CDK15: variants seen among roughly 807,000 people sequenced by gnomAD.
CDK15 encodes the protein cyclin dependent kinase 15, also known as cyclin-dependent kinase 15.
In CDK15, 62 loss-of-function variants were observed where a neutral mutation model predicts 60.3. The ratio of observed to expected loss-of-function variants is 1.03; its 90% CI spans 0.84 to 1.27. The LOEUF (loss-of-function observed/expected upper bound fraction) is 1.27. CDK15 is among the 50% of genes most tolerant of loss of function. CDK15 has a pLI of 0.00. For synonymous variants in CDK15, 194 were observed against 195.7 expected, an observed-to-expected ratio of 0.99 and a Z score of 0.07; for missense variants, 541 against 527.8, an observed-to-expected ratio of 1.03 and a Z score of -0.25.
intron 10 of CDK15, among the ~76,000 whole-genome samples, chr2:201,868,885 G>A (rs550951074): frequency 5.9e-5 from 9 of 152,318 alleles, no homozygotes; most frequent in African/African-American, 1.9e-4. Flanking sequence ...AACAACAAAT[G>A]CTGGAGAGGA....
At chr2:201,817,216 A>G (rs1328174090) in intron 4 of CDK15, among the ~76,000 whole-genome samples, 1 of 152,224 alleles carries the variant, frequency 6.6e-6, no homozygotes, top group Non-Finnish European at 1.5e-5. Context: ...TGTTTTCCAC[A>G]GTGGCTGAAC....
intron 11 of CDK15, among the ~76,000 whole-genome samples, chr2:201,872,671 G>T (rs147227450): frequency 2.6e-5 from 4 of 151,492 alleles, no homozygotes; most frequent in African/African-American, 4.9e-5. Flanking sequence ...GCTATTGGAG[G>T]GGGGGCAACT....
At position 201,816,313 on chromosome 2, in the gene CDK15, T is replaced by C. The variant is rs117693884; in HGVS notation, c.448+3751T>C. 2.3e-4 allele frequency among the ~76,000 whole-genome samples: 35 copies of C among 152,256 alleles called. No individual in the cohort carries two copies. The East Asian group carries it at 6.2e-3, about 27-fold the overall frequency. Reference sequence around the variant, plus strand: ...CCTGGTGTAGTGTCTATTATTCCCATCTTATGTCTGTGTGTTCCCAATACC... The same window carrying C: ...CCTGGTGTAGTGTCTATTATTCCCACCTTATGTCTGTGTGTTCCCAATACC... On this transcript the variant is annotated intron_variant, in intron 4 of 13. Transcript: ENST00000652192.
chr2:201,826,457 T>TTAA (rs1696503482), intron 6 of CDK15, among the ~76,000 whole-genome samples: 1 of 2,106 alleles, frequency 4.7e-4, no homozygotes, highest in East Asian at 0.011. Context: ...AGACTGCGTC[T>TTAA]CAAAAAAAAA....
chr2:201,847,775 C>T (rs1697733779), intron 9 of CDK15, among the ~76,000 whole-genome samples: 1 of 152,174 alleles, frequency 6.6e-6, no homozygotes, highest in South Asian at 2.1e-4. Flanking sequence ...ACTACTCAGA[C>T]ATGTCCCTAC....
intron 10 of CDK15, among the ~76,000 whole-genome samples, chr2:201,865,889 C>CAAAAAAAAAAAAAAAAA (rs1262940691): frequency 4.0e-5 from 1 of 24,804 alleles, no homozygotes; most frequent in African/African-American, 1.3e-4. Flanking sequence ...GATTCCATCT[C>CAAAAAAAAAAAAAAAAA]AACAAAAAAA....
Position 201,880,093 on chromosome 2 carries a change from G to A in CDK15, c.1124G>A (p.Arg375His), listed in dbSNP as rs189350681. The A allele has an allele frequency of 6.1e-5, 99 of 1,614,088 alleles. No homozygotes were observed. The East Asian group carries it at 1.1e-3, about 18-fold the overall frequency. ...SQMLKGFPRDRVSAQEALVHD... is the reference protein window; with the variant it reads ...SQMLKGFPRDHVSAQEALVHD... Reference sequence around the variant, plus strand: ...ATGCTAAAAGGCTTTCCCAGAGACCGCGTCTCCGCCCAGGAAGCACTTGTT... The same window carrying A: ...ATGCTAAAAGGCTTTCCCAGAGACCACGTCTCCGCCCAGGAAGCACTTGTT... Residue 375 changes from arginine (R) to histidine (H), a missense_variant, in exon 12 of 14, where the codon CGC becomes CAC. Physicochemically the swap from Arg to His is conservative, Grantham distance 29. Coordinates refer to ENST00000652192, the MANE Select transcript of CDK15 (RefSeq NM_001366386.2).
intron 10 of CDK15, among the ~76,000 whole-genome samples, chr2:201,869,837 A>C (rs1332636597): frequency 6.6e-6 from 1 of 152,224 alleles, no homozygotes; most frequent in African/African-American, 2.4e-5. Context: ...TGAATGAGGA[A>C]ATATTTTGAT....
In CDK15 at chr2:201,807,917, A is replaced by C; in HGVS notation, c.333A>C (p.Glu111Asp). ...SSYLNLEKLG[E>D]GSYATVYKGI... ...ACTTGAACTTGGAGAAGCTGGGTGA[A>C]GGCTCTTATGCGACAGTTTACAAGG... is the stretch of plus-strand genomic sequence containing the variant. Residue 111 changes from glutamate to aspartate, a missense_variant, in exon 3 of 14, where the codon GAA (glutamate) becomes GAC (aspartate). By Grantham distance (45) the Glu-to-Asp change is conservative. Coordinates refer to ENST00000652192, the MANE Select transcript of CDK15 (RefSeq NM_001366386.2). 1 of 1,614,124 alleles carries C rather than the reference A, an allele frequency of 6.2e-7. No individual in the cohort carries two copies. Among genetic ancestry groups the C allele is most frequent in the Non-Finnish European group, 8.5e-7 (1 of 1,180,018 alleles).
chr2:201,878,224 T>G (rs1412962731), intron 11 of CDK15, among the ~76,000 whole-genome samples: 1 of 152,172 alleles, frequency 6.6e-6, no homozygotes, highest in Non-Finnish European at 1.5e-5. Context: ...ATGATTGGCA[T>G]TAGATGAGCA....
intron 8 of CDK15, among the ~76,000 whole-genome samples, chr2:201,839,218 T>C (rs1431997703): frequency 6.6e-6 from 1 of 152,248 alleles, no homozygotes; most frequent in African/African-American, 2.4e-5. Flanking sequence ...TTTGCAATAA[T>C]ACTTGATACC....
chr2:201,812,173 C>CAAAAAAAAA (rs56808760), intron 3 of CDK15, among the ~76,000 whole-genome samples: 44 of 96,644 alleles, frequency 4.6e-4, no homozygotes, highest in Non-Finnish European at 7.8e-4. Context: ...GATTCTGTCT[C>CAAAAAAAAA]AAAAAAAAAA....
intron 10 of CDK15, among the ~76,000 whole-genome samples, chr2:201,870,024 G>A (rs1311053086): frequency 6.6e-6 from 1 of 152,288 alleles, no homozygotes; most frequent in South Asian, 2.1e-4. Flanking sequence ...GCCCACCTGG[G>A]ACTATAAAAT....
intron 1 of CDK15, 93 bp from the exon 2 acceptor site, chr2:201,807,401 T>A: frequency 1.5e-6 from 2 of 1,331,042 alleles, no homozygotes; most frequent in Non-Finnish European, 2.0e-6. Context: ...ATTTGAAGAG[T>A]GAAAATGAGG....
At chr2:201,843,663 G>A (rs1028112111) in intron 8 of CDK15, among the ~76,000 whole-genome samples, 3 of 152,038 alleles carry the variant, frequency 2.0e-5, no homozygotes, top group East Asian at 3.9e-4. Flanking sequence ...GTGCATGTGC[G>A]TGTATATAAA....
intron 8 of CDK15, among the ~76,000 whole-genome samples, chr2:201,838,211 A>G (rs1337593185): frequency 7.0e-6 from 1 of 142,256 alleles, no homozygotes; most frequent in Non-Finnish European, 1.5e-5. Context: ...TGCAGGGGAC[A>G]TTTGGCAATG....
chr2:201,838,337 C>G (rs1697219979), intron 8 of CDK15, among the ~76,000 whole-genome samples: 2 of 151,958 alleles, frequency 1.3e-5, no homozygotes, highest in Non-Finnish European at 2.9e-5. Flanking sequence ...GAGGACAGCC[C>G]CTGCAACAAA....
intron 6 of CDK15, among the ~76,000 whole-genome samples, chr2:201,827,764 G>A (rs181939223): frequency 2.1e-4 from 32 of 152,130 alleles, no homozygotes; most frequent in Non-Finnish European, 3.7e-4. Flanking sequence ...GAGCCAAAGG[G>A]TTTATTGATG....
chr2:201,824,668 G>T, intron 6 of CDK15: 1 of 343,778 alleles, frequency 2.9e-6, no homozygotes. Flanking sequence ...TATGAGTAGA[G>T]TTAATAGTTC....
Sources: gnomAD v4.1 joint callset for allele counts (sites outside exome capture counted in the v4.1 genomes callset) on GRCh38, gnomAD v4.1.1 for gene constraint, MANE v1.5 for transcripts, NCBI Gene and HGNC (gene_info 2026-07-23, HGNC 2026-07-21) for gene names.